Variants in PDZRN3 observed in about 807,000 individuals in gnomAD.
The protein encoded by PDZRN3 is E3 ubiquitin-protein ligase PDZRN3.
Under a neutral mutation model 85.7 loss-of-function variants are expected in PDZRN3, and 38 were observed. The ratio of observed to expected loss-of-function variants is 0.44; its 90% CI spans 0.34 to 0.58. PDZRN3 has a LOEUF of 0.58. PDZRN3 is among the 20% of genes least tolerant of loss of function. The pLI is 0.01. For synonymous variants in PDZRN3, 759 were observed against 638.0 expected, an observed-to-expected ratio of 1.19 and a Z score of -2.86; for missense variants, 1,629 against 1,506.4, an observed-to-expected ratio of 1.08 and a Z score of -1.35.
chr3:73,497,466 A>G (rs1344101686), intron 3 of PDZRN3, among the ~76,000 whole-genome samples: 3 of 152,196 alleles, frequency 2.0e-5, no homozygotes, highest in Admixed American at 2.0e-4. Context: ...TACTATTATA[A>G]AGCAAATGAT....
At position 73,511,185 on chromosome 3, in the gene PDZRN3, C is replaced by T. The variant is rs148831605; in HGVS notation, c.918+91169G>A. Among the ~76,000 whole-genome samples, 52 of 152,120 alleles carry T rather than the reference C, an allele frequency of 3.4e-4. 1 individual carries two copies. The highest frequency in any genetic ancestry group is 1.9e-3 in the East Asian group (10 of 5,174). ...TTCTCTATTTTTCACCCCTCTCTTA[C>T]CCCCAGTAAAAAACAATTAAGCAAG... On this transcript the variant is annotated intron_variant, in intron 3 of 9. Coordinates refer to ENST00000263666, the MANE Select transcript of PDZRN3 (RefSeq NM_015009.3).
chr3:73,513,476 T>C (rs1285584818), intron 3 of PDZRN3, among the ~76,000 whole-genome samples: 2 of 152,204 alleles, frequency 1.3e-5, no homozygotes, highest in Non-Finnish European at 2.9e-5. Flanking sequence ...CCTAGGTTAA[T>C]GATTAACGTG....
intron 3 of PDZRN3, among the ~76,000 whole-genome samples, chr3:73,482,879 G>A (rs926997109): frequency 5.3e-5 from 8 of 152,164 alleles, no homozygotes; most frequent in African/African-American, 1.9e-4. Flanking sequence ...CTTGCTTTGG[G>A]TCAATCCAAA....
At chr3:73,541,785 A>G (rs1315972041) in intron 3 of PDZRN3, among the ~76,000 whole-genome samples, 1 of 152,192 alleles carries the variant, frequency 6.6e-6, no homozygotes, top group East Asian at 1.9e-4. Flanking sequence ...AGTATTTTAC[A>G]CTGTGGTGTT....
chr3:73,435,933 A>G (rs1702522538), intron 3 of PDZRN3, among the ~76,000 whole-genome samples: 1 of 152,106 alleles, frequency 6.6e-6, no homozygotes, highest in Non-Finnish European at 1.5e-5. Context: ...TTGTCCATCA[A>G]TGTCTCATAC....
At chr3:73,386,015 AT>A (rs113116274) in intron 8 of PDZRN3, among the ~76,000 whole-genome samples, 43 of 146,766 alleles carry the variant, frequency 2.9e-4, no homozygotes, top group South Asian at 8.7e-4. Flanking sequence ...AATATCCATG[AT>A]TTTTTTTTTT....
intron 3 of PDZRN3, among the ~76,000 whole-genome samples, chr3:73,547,886 G>A (rs1386770868): frequency 6.6e-6 from 1 of 152,120 alleles, no homozygotes; most frequent in Admixed American, 6.5e-5. Context: ...AAGCGGGGGA[G>A]GGTTAAAAGT....
At chr3:73,589,600 C>T (rs1184020270) in intron 3 of PDZRN3, among the ~76,000 whole-genome samples, 2 of 152,166 alleles carry the variant, frequency 1.3e-5, no homozygotes, top group South Asian at 4.1e-4. Context: ...AGCAAATCAA[C>T]CTAAACTTAC....
chr3:73,551,041 A>C (rs924826689), intron 3 of PDZRN3, among the ~76,000 whole-genome samples: 2 of 152,220 alleles, frequency 1.3e-5, no homozygotes, highest in Non-Finnish European at 2.9e-5. Context: ...AATTGTAAAA[A>C]CTGTGATGTC....
chr3:73,489,554 T>C (rs1432596916), intron 3 of PDZRN3, among the ~76,000 whole-genome samples: 1 of 146,526 alleles, frequency 6.8e-6, no homozygotes, highest in East Asian at 2.0e-4. Flanking sequence ...GTCCTAGCCA[T>C]GCATATGGGC....
intron 5 of PDZRN3, among the ~76,000 whole-genome samples, chr3:73,397,514 A>G (rs1701663766): frequency 6.6e-6 from 1 of 152,224 alleles, no homozygotes; most frequent in Non-Finnish European, 1.5e-5. Flanking sequence ...AACTGGGCCC[A>G]CTTGAGGAAA....
intron 2 of PDZRN3, among the ~76,000 whole-genome samples, chr3:73,607,876 T>C (rs936916476): frequency 2.0e-5 from 3 of 152,188 alleles, no homozygotes. Context: ...AAGATTTTTG[T>C]TTTCTTTTCC....
intron 3 of PDZRN3, among the ~76,000 whole-genome samples, chr3:73,493,688 T>C (rs1201521177): frequency 6.6e-6 from 1 of 152,234 alleles, no homozygotes; most frequent in East Asian, 1.9e-4. Context: ...TTAAGTTGAT[T>C]CTATCACGAC....
chr3:73,537,853 T>C (rs545702914), intron 3 of PDZRN3, among the ~76,000 whole-genome samples: 83 of 151,732 alleles, frequency 5.5e-4, no homozygotes, highest in African/African-American at 2.0e-3. Context: ...CTCGACCTCC[T>C]GATCTCAAAT....
intron 3 of PDZRN3, among the ~76,000 whole-genome samples, chr3:73,435,598 A>G (rs1313629085): frequency 6.6e-6 from 1 of 152,054 alleles, no homozygotes; most frequent in Non-Finnish European, 1.5e-5. Flanking sequence ...CCTCATCCCC[A>G]CCCTTGGTCC....
At chr3:73,462,542 C>CAAAA (rs1167584471) in intron 3 of PDZRN3, among the ~76,000 whole-genome samples, 9 of 93,358 alleles carry the variant, frequency 9.6e-5, no homozygotes, top group East Asian at 5.9e-4. Context: ...GACTCCGTCT[C>CAAAA]AAAAAAAAAA....
chr3:73,514,360 T>C (rs1704220233), intron 3 of PDZRN3, among the ~76,000 whole-genome samples: 1 of 152,190 alleles, frequency 6.6e-6, no homozygotes, highest in Non-Finnish European at 1.5e-5. Context: ...AATCTGTGCA[T>C]GTGTGTAACA....
intron 3 of PDZRN3, among the ~76,000 whole-genome samples, chr3:73,498,043 T>C (rs146585766): frequency 7.9e-4 from 120 of 152,342 alleles, no homozygotes; most frequent in Non-Finnish European, 1.5e-3. Flanking sequence ...GGCAGAGATC[T>C]GTTATATCTG....
At chr3:73,411,287 A>G (rs961436104) in intron 3 of PDZRN3, among the ~76,000 whole-genome samples, 3 of 152,356 alleles carry the variant, frequency 2.0e-5, no homozygotes, top group African/African-American at 4.8e-5. Context: ...AGGTGGGGCC[A>G]TTTCAAGTGA....
Sources: allele counts gnomAD v4.1 joint callset (sites outside exome capture counted in the v4.1 genomes callset), GRCh38; gene constraint gnomAD v4.1.1; transcripts MANE v1.5; gene names NCBI Gene and HGNC (gene_info 2026-07-23, HGNC 2026-07-21).